WAC: variants seen among roughly 807,000 people sequenced by gnomAD.
The protein encoded by WAC is WW domain-containing adapter protein with coiled-coil.
WAC carries 11 observed loss-of-function variants against 79.6 expected under a neutral mutation model. The ratio of observed to expected loss-of-function variants is 0.14; its 90% confidence interval spans 0.09 to 0.23. The LOEUF (loss-of-function observed/expected upper bound fraction) is 0.23, where lower values mean the gene tolerates loss of function less well. WAC is among the 10% of genes least tolerant of loss of function. The pLI, the probability that WAC is intolerant of heterozygous loss-of-function variation, is 1.00. For synonymous variants in WAC, 304 were observed against 276.9 expected, an observed-to-expected ratio of 1.10 and a Z score of -0.97; for missense variants, 728 against 773.5, an observed-to-expected ratio of 0.94 and a Z score of 0.70.
At chr10:28,563,843 G>A (rs117241341) in intron 3 of WAC, among the ~76,000 whole-genome samples, 1,843 of 145,776 alleles carry the variant, frequency 0.013, 20 homozygotes, top group Admixed American at 0.023. Flanking sequence ...CTCGTGATCC[G>A]CTGCCTTGGT....
At chr10:28,546,713 A>T (rs955292420) in intron 3 of WAC, among the ~76,000 whole-genome samples, 3 of 151,262 alleles carry the variant, frequency 2.0e-5, no homozygotes, top group African/African-American at 7.3e-5. Context: ...AACAGAATGA[A>T]CTCTCCCCTT....
At chr10:28,535,517 G>C in intron 2 of WAC, 45 bp from the exon 3 acceptor site, 1 of 1,520,104 alleles carries the variant, frequency 6.6e-7, no homozygotes, top group Non-Finnish European at 8.9e-7. Context: ...GGAGTTTAAG[G>C]TTTCAATTCT....
intron 3 of WAC, among the ~76,000 whole-genome samples, chr10:28,554,028 G>C (rs574115801): frequency 1.7e-3 from 255 of 152,148 alleles, no homozygotes; most frequent in Non-Finnish European, 3.0e-3. Context: ...CACCACGCCT[G>C]GCTAATTTTT....
chr10:28,541,421 T>TGG (rs1564372851), intron 3 of WAC, among the ~76,000 whole-genome samples: 2 of 29,038 alleles, frequency 6.9e-5, no homozygotes, highest in African/African-American at 2.1e-4. Flanking sequence ...GTGTGTTTTG[T>TGG]TTTTTTTTTT....
At chr10:28,572,295 C>T (rs563025528) in intron 3 of WAC, among the ~76,000 whole-genome samples, 31 of 149,956 alleles carry the variant, frequency 2.1e-4, no homozygotes, top group African/African-American at 7.4e-4. Context: ...CGAGATCGCA[C>T]CACTGCACTC....
intron 4 of WAC, among the ~76,000 whole-genome samples, chr10:28,587,943 CACA>C (rs1172463492): frequency 6.6e-6 from 1 of 151,346 alleles, no homozygotes; most frequent in Non-Finnish European, 1.5e-5. Context: ...TTCCTTAAAG[CACA>C]ACTTCTGTGA....
chr10:28,539,252 G>T (rs780774089), intron 3 of WAC, among the ~76,000 whole-genome samples: 65 of 152,256 alleles, frequency 4.3e-4, no homozygotes, highest in Middle Eastern at 6.8e-3. Context: ...ATGTATGAAA[G>T]GACTTGCAGA....
chr10:28,609,340 C>T (rs535990609), intron 8 of WAC, among the ~76,000 whole-genome samples: 2 of 152,070 alleles, frequency 1.3e-5, no homozygotes, highest in Non-Finnish European at 2.9e-5. Flanking sequence ...TCCAACCTGG[C>T]TGACAGAGCA....
intron 12 of WAC, 120 bp downstream of exon 12, chr10:28,616,482 A>G (rs952229851): frequency 2.4e-6 from 2 of 850,862 alleles, no homozygotes; most frequent in Non-Finnish European, 3.3e-6. Context: ...ATGAATCTCT[A>G]ACTTTGTAGT....
rs1363788377 is a variant in WAC, at chr10:28,619,765, A to G, written c.*159A>G. The G allele has an allele frequency of 5.6e-6, 3 of 532,262 alleles. No individual in the cohort carries two copies. Among genetic ancestry groups the G allele is most frequent in the Non-Finnish European group, 9.8e-6 (3 of 304,858 alleles). 33.0% of individuals were successfully genotyped at this position (532,262 alleles called of 1,614,324 possible). The stretch of plus-strand genomic sequence containing the variant: ...CTGTGAGAGTCAATTCAGGGGAAAG[A>G]TACAAGATTGATTTGTAAAACCCTT... On this transcript the variant is annotated 3_prime_UTR_variant, in exon 14 of 14. Coordinates refer to ENST00000354911, the MANE Select transcript of WAC (RefSeq NM_016628.5).
chr10:28,582,606 T>C (rs903779345), intron 3 of WAC, among the ~76,000 whole-genome samples: 2 of 152,216 alleles, frequency 1.3e-5, no homozygotes, highest in Non-Finnish European at 1.5e-5. Context: ...TATGTTACTT[T>C]GTTGCTGAAA....
intron 10 of WAC, 96 bp from the exon 11 acceptor site, chr10:28,614,471 G>GTCTTCTTTAAAACCA (rs71391055): frequency 1.1e-5 from 9 of 850,708 alleles, no homozygotes; most frequent in Non-Finnish European, 1.7e-5. Flanking sequence ...GAACTTGACT[G>GTCTTCTTTAAAACCA]CCACATTTTA....
chr10:28,591,917 A>G (rs979508476), intron 6 of WAC: 1 of 151,846 alleles, frequency 6.6e-6, no homozygotes, highest in Admixed American at 6.6e-5. Flanking sequence ...GAATTTCAAG[A>G]TGATGTTTTC....
chr10:28,594,128 A>G, intron 6 of WAC, among the ~76,000 whole-genome samples: 1 of 152,168 alleles, frequency 6.6e-6, no homozygotes, highest in Non-Finnish European at 1.5e-5. Flanking sequence ...GAAAGCTGTT[A>G]CAGCTATAGC....
intron 3 of WAC, 35 bp downstream of exon 3, chr10:28,535,792 G>T (rs779227470): frequency 3.0e-5 from 47 of 1,559,846 alleles, no homozygotes; most frequent in Non-Finnish European, 4.1e-5. Flanking sequence ...TTGACATACA[G>T]TTTTAACAAT....
At chr10:28,565,790 T>C (rs1211660472) in intron 3 of WAC, among the ~76,000 whole-genome samples, 1 of 152,244 alleles carries the variant, frequency 6.6e-6, no homozygotes, top group Non-Finnish European at 1.5e-5. Context: ...ACCTGCACTT[T>C]AATTTTGGTC....
At chr10:28,598,545 C>T (rs1216680234) in intron 7 of WAC, among the ~76,000 whole-genome samples, 1 of 152,172 alleles carries the variant, frequency 6.6e-6, no homozygotes, top group African/African-American at 2.4e-5. Context: ...TCCCTCCATG[C>T]AGTTTGATGC....
In WAC at chr10:28,617,789, GTCTT is replaced by G. The variant is rs1841535996; in HGVS notation, c.1874+8_1874+11del. ...AGCAACTTTGCGAGAGCAAAGGTAA[GTCTT>G]TCACTGAAATATATTTTTATGTTTC... On this transcript the variant is annotated splice_donor_region_variant and intron_variant, in intron 13 of 13. Transcript: ENST00000354911. 6.4e-7 allele frequency: 1 copy of G among 1,573,824 alleles called. No homozygotes were observed.
chr10:28,621,814 A>G lies in WAC; in HGVS notation c.*2208A>G, dbSNP rs1252643802. On this transcript the variant is annotated 3_prime_UTR_variant, in exon 14 of 14. Transcript: ENST00000354911. Reference sequence around the variant, plus strand: ...TGTTTTGTTTTTCAAAAAAGTTTACATCCCTAAATGAATTAGTCACATATA... The same window carrying G: ...TGTTTTGTTTTTCAAAAAAGTTTACGTCCCTAAATGAATTAGTCACATATA... 1 of 152,238 alleles carries G rather than the reference A, an allele frequency of 6.6e-6. No homozygotes were observed. Among genetic ancestry groups the G allele is most frequent in the East Asian group, 1.9e-4 (1 of 5,200 alleles). 9.4% of individuals were successfully genotyped at this position (152,238 alleles called of 1,614,324 possible). A position where few individuals can be genotyped will look rare whatever the true frequency, so the allele number is the denominator to read the frequency against.
Sources: allele counts gnomAD v4.1 joint callset (sites outside exome capture counted in the v4.1 genomes callset), GRCh38; gene constraint gnomAD v4.1.1; transcripts MANE v1.5; gene names NCBI Gene and HGNC (gene_info 2026-07-23, HGNC 2026-07-21).